Variants in CTNND2 observed in about 807,000 individuals in gnomAD.
CTNND2 encodes catenin delta 2.
A neutral mutation model predicts 144.4 loss-of-function variants in CTNND2; 22 were observed. The observed-to-expected ratio is 0.15, with a 90% CI of 0.11 to 0.22. The LOEUF (loss-of-function observed/expected upper bound fraction) is 0.22. CTNND2 is among the 10% of genes least tolerant of loss of function. The probability of loss-of-function intolerance (pLI) is 1.00; values close to 1 mark genes in which losing one functional copy is unlikely to be tolerated. For missense variants in CTNND2, 1,353 were observed against 1,618.8 expected (o/e 0.84, Z 2.82); for synonymous variants, 751 against 695.6 (o/e 1.08, Z -1.25).
intron 9 of CTNND2, among the ~76,000 whole-genome samples, chr5:11,329,794 G>A (rs1218104616): frequency 2.0e-5 from 3 of 152,134 alleles, no homozygotes; most frequent in Non-Finnish European, 2.9e-5. Context: ...GATTCTCAGC[G>A]CCATCCCCAA....
chr5:11,171,532 C>A (rs113109716), intron 11 of CTNND2, among the ~76,000 whole-genome samples: 1 of 152,274 alleles, frequency 6.6e-6, no homozygotes, highest in East Asian at 1.9e-4. Context: ...TTCTCTTCTT[C>A]CTTTTGGTTT....
chr5:11,176,913 C>T (rs1186276808), intron 11 of CTNND2, among the ~76,000 whole-genome samples: 2 of 152,188 alleles, frequency 1.3e-5, no homozygotes, highest in Admixed American at 6.5e-5. Flanking sequence ...GTCCCATCCT[C>T]CACAGATTTA....
intron 18 of CTNND2, among the ~76,000 whole-genome samples, chr5:11,017,583 C>CATATATATACAT: frequency 7.4e-6 from 1 of 135,678 alleles, no homozygotes; most frequent in South Asian, 2.4e-4. Context: ...TATATCTTTC[C>CATATATATACAT]ATATATATAT....
intron 11 of CTNND2, among the ~76,000 whole-genome samples, chr5:11,163,031 T>C (rs1758952997): frequency 6.6e-6 from 1 of 152,192 alleles, no homozygotes; most frequent in Non-Finnish European, 1.5e-5. Flanking sequence ...AAACTTTTAC[T>C]TCACTCCTCC....
chr5:11,767,719 C>T (rs949082226), intron 1 of CTNND2, among the ~76,000 whole-genome samples: 1 of 152,116 alleles, frequency 6.6e-6, no homozygotes, highest in South Asian at 2.1e-4. Context: ...TGGCCAAGCA[C>T]TGATGACCAC....
intron 2 of CTNND2, among the ~76,000 whole-genome samples, chr5:11,678,240 C>T (rs1158850913): frequency 1.3e-5 from 2 of 152,174 alleles, no homozygotes; most frequent in African/African-American, 4.8e-5. Flanking sequence ...GAAGTTACCT[C>T]CTACTCTGAT....
chr5:11,088,200 C>A (rs1314030404), intron 15 of CTNND2, among the ~76,000 whole-genome samples: 2 of 152,150 alleles, frequency 1.3e-5, no homozygotes, highest in African/African-American at 4.8e-5. Flanking sequence ...ATAGACAGTG[C>A]ATGGTATGAG....
chr5:11,307,344 T>TAC (rs1750351420), intron 9 of CTNND2, among the ~76,000 whole-genome samples: 2 of 136,974 alleles, frequency 1.5e-5, no homozygotes, highest in African/African-American at 2.7e-5. Context: ...TGTGTGTGTG[T>TAC]ACACAAGGGA....
At chr5:11,077,443 G>C (rs1268028072) in intron 16 of CTNND2, among the ~76,000 whole-genome samples, 1 of 152,144 alleles carries the variant, frequency 6.6e-6, no homozygotes, top group Non-Finnish European at 1.5e-5. Flanking sequence ...ACTCCAGGAA[G>C]CAGCAAGTTC....
intron 3 of CTNND2, among the ~76,000 whole-genome samples, chr5:11,441,531 A>C (rs900486487): frequency 2.6e-5 from 4 of 151,596 alleles, no homozygotes; most frequent in Non-Finnish European, 5.9e-5. Context: ...GGCGCCCGCC[A>C]CCATGCCCAG....
chr5:11,283,924 C>T lies in CTNND2; in HGVS notation c.1629-47101G>A, dbSNP rs572647657. On this transcript the variant is annotated intron_variant, in intron 9 of 21. Coordinates refer to ENST00000304623, the MANE Select transcript of CTNND2 (RefSeq NM_001332.4). ...GACCTTGTGGTTCTGTTCACGTCGTCTGACGTGTATTGTGTTTTTCCCTTG... is the reference window on the plus strand; with the variant it reads ...GACCTTGTGGTTCTGTTCACGTCGTTTGACGTGTATTGTGTTTTTCCCTTG... Among the ~76,000 whole-genome samples the T allele has an allele frequency of 7.2e-5, 11 of 152,204 alleles. 1 individual carries two copies. The highest frequency in any genetic ancestry group is 1.5e-4 in the Non-Finnish European group (10 of 68,036).
intron 3 of CTNND2, among the ~76,000 whole-genome samples, chr5:11,542,570 T>C (rs766930281): frequency 1.8e-4 from 28 of 152,196 alleles, no homozygotes; most frequent in Non-Finnish European, 2.9e-4. Flanking sequence ...ATTTAAATAA[T>C]GAGAAGGTGG....
chr5:11,691,519 T>G (rs1190185039), intron 2 of CTNND2, among the ~76,000 whole-genome samples: 1 of 152,054 alleles, frequency 6.6e-6, no homozygotes, highest in Non-Finnish European at 1.5e-5. Context: ...AACCAAAGCA[T>G]CAACTTTTTG....
At chr5:11,729,364 T>C (rs756522000) in intron 2 of CTNND2, among the ~76,000 whole-genome samples, 10 of 152,178 alleles carry the variant, frequency 6.6e-5, no homozygotes, top group African/African-American at 1.2e-4. Flanking sequence ...TAATCAATAT[T>C]AATAGTTTGA....
intron 16 of CTNND2, among the ~76,000 whole-genome samples, chr5:11,073,600 G>T (rs1748584248): frequency 6.6e-6 from 1 of 152,144 alleles, no homozygotes. Flanking sequence ...TCCCTTTTAA[G>T]GAATTCTTAT....
chr5:11,197,378 A>T (rs1344569165), intron 11 of CTNND2, among the ~76,000 whole-genome samples: 2 of 152,242 alleles, frequency 1.3e-5, no homozygotes, highest in African/African-American at 4.8e-5. Flanking sequence ...AAAAGACAGC[A>T]TTTCGTCTAG....
chr5:11,061,322 C>T (rs77703665), intron 16 of CTNND2, among the ~76,000 whole-genome samples: 3,823 of 152,276 alleles, frequency 0.025, 87 homozygotes, highest in Middle Eastern at 0.065. Context: ...AACCAGCAGC[C>T]GGAGAGGACT....
chr5:11,063,323 C>A (rs1398564859), intron 16 of CTNND2, among the ~76,000 whole-genome samples: 1 of 152,060 alleles, frequency 6.6e-6, no homozygotes, highest in Non-Finnish European at 1.5e-5. Flanking sequence ...CTGGTGAATG[C>A]ATTTCCAATA....
intron 16 of CTNND2, among the ~76,000 whole-genome samples, chr5:11,025,127 TTA>T (rs1240872065): frequency 2.6e-5 from 4 of 152,226 alleles, no homozygotes; most frequent in African/African-American, 9.6e-5. Flanking sequence ...TTAAGTCTAT[TTA>T]TCAGTCTACT....
Sources: gnomAD v4.1 joint callset for allele counts (sites outside exome capture counted in the v4.1 genomes callset) on GRCh38, gnomAD v4.1.1 for gene constraint, MANE v1.5 for transcripts, NCBI Gene and HGNC (gene_info 2026-07-23, HGNC 2026-07-21) for gene names.